The following ZNF532 variants were observed in gnomAD, a reference collection of about 807,000 sequenced individuals.
ZNF532 encodes the protein zinc finger protein 532.
In ZNF532, 22 loss-of-function variants were observed where a neutral mutation model predicts 89.3. The observed-to-expected ratio is 0.25, with a 90% CI of 0.18 to 0.35. ZNF532 has a LOEUF of 0.35. Ranked by LOEUF, ZNF532 falls within the 10% of genes least tolerant of loss-of-function variation. The pLI is 1.00. For missense variants in ZNF532, 1,132 were observed against 1,643.4 expected (o/e 0.69, Z 5.38); for synonymous variants, 606 against 649.6 (o/e 0.93, Z 1.02).
chr18:58,887,057 A>G (rs1296186138), intron 2 of ZNF532, among the ~76,000 whole-genome samples: 1 of 152,198 alleles, frequency 6.6e-6, no homozygotes, highest in Non-Finnish European at 1.5e-5. Flanking sequence ...CTGGTAAATT[A>G]CCTGGTTCCT....
rs1284999999 is a variant in ZNF532, at chr18:58,919,484, G to C, written c.1197G>C (p.Val399=). ...AACCTTCCGAGCAGACAGCGTCCGT[G>C]ATGGCCTCTGTGACATCCCTTCTGT... ...GKKPSEQTAS[V]MASVTSLLSS... is the part of the protein sequence containing the mutation. The change falls in exon 3 of 10, where the codon GTG becomes GTC. Residue 399 remains valine, a synonymous_variant. Transcript: ENST00000591808. The surrounding 1 kb of genome is among the most constrained non-coding windows in gnomAD (Gnocchi z 6.1). 1.9e-6 allele frequency: 3 copies of C among 1,614,228 alleles called. No individual in the cohort carries two copies. The highest frequency in any genetic ancestry group is 1.1e-5 in the South Asian group (1 of 91,084).
In ZNF532 at chr18:58,956,343, T is replaced by C. The variant is rs1411513119; in HGVS notation, c.3150+2544T>C. ...GCCTTTGGAATGAGGCACATCGTAT[T>C]AGATTGTAGTTTCAATCCTGTTCCC... On this transcript the variant is annotated intron_variant, in intron 7 of 9. Coordinates refer to ENST00000591808, the MANE Select transcript of ZNF532 (RefSeq NM_001375912.1). 2.0e-5 allele frequency among the ~76,000 whole-genome samples: 3 copies of C among 152,362 alleles called. No homozygotes were observed. The East Asian group carries it at 5.8e-4, about 29-fold the overall frequency.
At chr18:58,934,734 C>A in intron 4 of ZNF532, 120 bp downstream of exon 4, 1 of 950,248 alleles carries the variant, frequency 1.1e-6, no homozygotes, top group Non-Finnish European at 1.6e-6. Context: ...TTAACAGATC[C>A]TCTGGGAACC....
chr18:58,873,340 ATCC>A (rs1427048340), intron 2 of ZNF532, among the ~76,000 whole-genome samples: 1 of 151,970 alleles, frequency 6.6e-6, no homozygotes, highest in Non-Finnish European at 1.5e-5. Flanking sequence ...ATGGTATTTA[ATCC>A]TCCTCCTATT....
chr18:58,955,454 A>T (rs1303446523), intron 7 of ZNF532, among the ~76,000 whole-genome samples: 1 of 152,266 alleles, frequency 6.6e-6, no homozygotes, highest in African/African-American at 2.4e-5. Flanking sequence ...CAAAATAGTC[A>T]TCCGTAGTGA....
intron 2 of ZNF532, among the ~76,000 whole-genome samples, chr18:58,892,156 T>C (rs1285414097): frequency 6.6e-6 from 1 of 152,244 alleles, no homozygotes; most frequent in Non-Finnish European, 1.5e-5. Flanking sequence ...GTTAAACATA[T>C]ATCTTCAGGA....
intron 7 of ZNF532, among the ~76,000 whole-genome samples, chr18:58,958,397 A>G (rs1164594756): frequency 3.9e-5 from 6 of 152,268 alleles, no homozygotes; most frequent in African/African-American, 1.4e-4. Context: ...TACAGAAAGC[A>G]GTAAAAAACT....
rs141970831 is a variant in ZNF532 at position 58,919,064 on chromosome 18, A to G, written c.777A>G (p.Ser259=). ...NDTSLPSVAP[S]KTKSSSKLSS... is the part of the protein sequence containing the mutation. ...CCAGCCTCCCCAGCGTTGCGCCATCAAAGACAAAGTCGTCCTCCAAGCTCT... is the reference window on the plus strand; with the variant it reads ...CCAGCCTCCCCAGCGTTGCGCCATCGAAGACAAAGTCGTCCTCCAAGCTCT... The change falls in exon 3 of 10, where the codon TCA becomes TCG. Residue 259 remains serine (S), a synonymous_variant. Transcript: ENST00000591808. This position sits in a 1 kb window ranked among gnomAD's most constrained non-coding sequence, Gnocchi z 6.1. The G allele has an allele frequency of 5.0e-6, 8 of 1,614,016 alleles. No individual in the cohort carries two copies. Among genetic ancestry groups the G allele is most frequent in the Non-Finnish European group, 6.8e-6 (8 of 1,180,048 alleles).
chr18:58,972,976 G>A (rs1381108373), intron 7 of ZNF532, among the ~76,000 whole-genome samples: 1 of 152,268 alleles, frequency 6.6e-6, no homozygotes, highest in East Asian at 1.9e-4. Context: ...AGGAGCTTAT[G>A]GGGGAGGGAA....
chr18:58,910,347 G>T (rs2060202853), intron 2 of ZNF532, among the ~76,000 whole-genome samples: 1 of 152,158 alleles, frequency 6.6e-6, no homozygotes, highest in Non-Finnish European at 1.5e-5. Context: ...GAACCCTTCA[G>T]TGTAGTCATG....
intron 2 of ZNF532, among the ~76,000 whole-genome samples, chr18:58,875,704 C>T (rs145801229): frequency 6.6e-6 from 1 of 152,284 alleles, no homozygotes; most frequent in East Asian, 1.9e-4. Flanking sequence ...CCTGTTGAGA[C>T]TCACAGCTTG....
chr18:58,892,002 G>C (rs958968878), intron 2 of ZNF532, among the ~76,000 whole-genome samples: 2 of 152,208 alleles, frequency 1.3e-5, no homozygotes, highest in Admixed American at 6.5e-5. Context: ...CTGGTTTACT[G>C]TGAAATCAAG....
At chr18:58,904,363 A>T (rs994025570) in intron 2 of ZNF532, among the ~76,000 whole-genome samples, 1 of 150,984 alleles carries the variant, frequency 6.6e-6, no homozygotes, top group African/African-American at 2.4e-5. Context: ...AAAAAAAAAA[A>T]AATAATGTAT....
rs139910618 is a variant in ZNF532, at chr18:58,985,767, CTTTTT to C, written c.*1315_*1319del. The C allele has an allele frequency of 2.0e-4, 23 of 114,392 alleles. No individual in the cohort carries two copies. Among genetic ancestry groups the C allele is most frequent in the African/African-American group, 4.0e-4 (12 of 29,956 alleles). 7.1% of individuals were successfully genotyped at this position (114,392 alleles called of 1,614,324 possible). The stretch of plus-strand genomic sequence containing the variant: ...ATTTATCCCTGAACATGTTTTGTAC[CTTTTT>C]TTTTTTTTTTTTTAAGAAAAGGAAT... On this transcript the variant is annotated 3_prime_UTR_variant, in exon 10 of 10. Coordinates refer to ENST00000591808, the MANE Select transcript of ZNF532 (RefSeq NM_001375912.1).
At chr18:58,886,494 T>C (rs1009260232) in intron 2 of ZNF532, among the ~76,000 whole-genome samples, 4 of 152,212 alleles carry the variant, frequency 2.6e-5, no homozygotes, top group Admixed American at 1.3e-4. Flanking sequence ...AAAAAAGGAA[T>C]GTGCCAAAAA....
At chr18:58,947,311 C>G (rs1480214143) in intron 5 of ZNF532, among the ~76,000 whole-genome samples, 4 of 152,100 alleles carry the variant, frequency 2.6e-5, no homozygotes, top group Non-Finnish European at 5.9e-5. Context: ...CTCGTGCCCT[C>G]GTTTCAGTAG....
chr18:58,942,907 T>G (rs1040545932), intron 5 of ZNF532, among the ~76,000 whole-genome samples: 2 of 152,190 alleles, frequency 1.3e-5, no homozygotes, highest in African/African-American at 4.8e-5. Flanking sequence ...TAAAATAACC[T>G]CTCACCCGTT....
At chr18:58,921,248 T>G (rs1340785613) in intron 3 of ZNF532, among the ~76,000 whole-genome samples, 1 of 152,162 alleles carries the variant, frequency 6.6e-6, no homozygotes, top group African/African-American at 2.4e-5. Context: ...AGTCTGAGAT[T>G]TAGCGGATTA....
At chr18:58,980,584 C>G (rs1437315746) in intron 8 of ZNF532, 1 of 152,182 alleles carries the variant, frequency 6.6e-6, no homozygotes, top group Non-Finnish European at 1.5e-5. Context: ...TTGTCCTTCC[C>G]TCAGTAGCAT....
Sources: gnomAD v4.1 joint callset for allele counts (sites outside exome capture counted in the v4.1 genomes callset) on GRCh38, gnomAD v4.1.1 for gene constraint, Gnocchi (gnomAD v3.1) non-coding constraint, MANE v1.5 for transcripts, NCBI Gene and HGNC (gene_info 2026-07-23, HGNC 2026-07-21) for gene names.